ZNF385D: variants seen among roughly 807,000 people sequenced by gnomAD.
ZNF385D encodes zinc finger protein 385D.
ZNF385D carries 15 observed loss-of-function variants against 35.8 expected under a neutral mutation model. The observed-to-expected ratio is 0.42, with a 90% CI of 0.28 to 0.64. The LOEUF is 0.64. Among genes scored for constraint, ZNF385D ranks in the 30% least tolerant of loss-of-function variants. The pLI, the probability that ZNF385D is intolerant of heterozygous loss-of-function variation, is 0.23. For missense variants in ZNF385D, 474 were observed against 494.6 expected (o/e 0.96, Z 0.39); for synonymous variants, 212 against 186.8 (o/e 1.13, Z -1.10).
chr3:21,831,507 G>C (rs932480776), intron 3 of ZNF385D, among the ~76,000 whole-genome samples: 2 of 152,096 alleles, frequency 1.3e-5, no homozygotes, highest in African/African-American at 4.8e-5. Context: ...GGCGGTGCTC[G>C]AACTTAAACT....
intron 1 of ZNF385D, among the ~76,000 whole-genome samples, chr3:21,684,411 CT>C (rs144993870): frequency 4.0e-5 from 3 of 74,862 alleles, no homozygotes; most frequent in East Asian, 5.6e-4. Context: ...TCTCCTCTCT[CT>C]CTCTCTCTCT....
intron 3 of ZNF385D, among the ~76,000 whole-genome samples, chr3:21,778,265 T>C (rs2071366241): frequency 6.6e-6 from 1 of 151,898 alleles, no homozygotes; most frequent in African/African-American, 2.4e-5. Flanking sequence ...CATTTTCATT[T>C]ACTGGCTTTT....
At chr3:21,993,240 C>T (rs917132677) in intron 3 of ZNF385D, among the ~76,000 whole-genome samples, 1 of 152,116 alleles carries the variant, frequency 6.6e-6, no homozygotes, top group Non-Finnish European at 1.5e-5. Context: ...TTTTGGTTTT[C>T]CCTTAACAGA....
At chr3:21,859,852 G>A (rs182545440) in intron 3 of ZNF385D, among the ~76,000 whole-genome samples, 5 of 151,302 alleles carry the variant, frequency 3.3e-5, no homozygotes, top group African/African-American at 4.8e-5. Context: ...GTGTAATTGT[G>A]TATTCAAAGG....
chr3:22,095,023 T>G, intron 3 of ZNF385D, among the ~76,000 whole-genome samples: 1 of 151,730 alleles, frequency 6.6e-6, no homozygotes, highest in East Asian at 1.9e-4. Flanking sequence ...TCCTCCCACC[T>G]CAGACTCCCC....
intron 2 of ZNF385D, among the ~76,000 whole-genome samples, chr3:22,339,567 T>C (rs987597589): frequency 2.6e-5 from 4 of 152,234 alleles, no homozygotes; most frequent in Non-Finnish European, 5.9e-5. Context: ...TATTAACATG[T>C]CACTTTTCTA....
chr3:21,600,541 T>A (rs2064254219), intron 2 of ZNF385D, among the ~76,000 whole-genome samples: 1 of 152,202 alleles, frequency 6.6e-6, no homozygotes, highest in Non-Finnish European at 1.5e-5. Context: ...TATCACTCCA[T>A]ATTGCTGATT....
intron 1 of ZNF385D, among the ~76,000 whole-genome samples, chr3:21,669,790 G>C (rs575862305): frequency 4.6e-5 from 7 of 152,286 alleles, no homozygotes; most frequent in African/African-American, 1.7e-4. Context: ...AGTCAATCAA[G>C]ATAATTTTAA....
intron 2 of ZNF385D, among the ~76,000 whole-genome samples, chr3:22,264,115 T>C (rs1011516315): frequency 6.6e-6 from 1 of 151,936 alleles, no homozygotes; most frequent in African/African-American, 2.4e-5. Flanking sequence ...CCAAGGGGCA[T>C]AAGGCTGGAA....
At chr3:21,601,587 A>G (rs1012252080) in intron 2 of ZNF385D, among the ~76,000 whole-genome samples, 3 of 152,238 alleles carry the variant, frequency 2.0e-5, no homozygotes, top group Admixed American at 1.3e-4. Flanking sequence ...TAAGGTTGCT[A>G]GAAGTGAAAT....
chr3:21,887,630 A>T (rs1451848299), intron 3 of ZNF385D, among the ~76,000 whole-genome samples: 1 of 152,144 alleles, frequency 6.6e-6, no homozygotes, highest in Admixed American at 6.5e-5. Context: ...GATAGAACAA[A>T]AACAAAATAG....
At chr3:22,238,725 A>G (rs1050853711) in intron 2 of ZNF385D, among the ~76,000 whole-genome samples, 2 of 150,476 alleles carry the variant, frequency 1.3e-5, no homozygotes, top group Non-Finnish European at 2.9e-5. Flanking sequence ...ATGTTTCTTA[A>G]TATTTTTTAT....
At chr3:21,987,782 T>C (rs1694896026) in intron 3 of ZNF385D, among the ~76,000 whole-genome samples, 1 of 131,884 alleles carries the variant, frequency 7.6e-6, no homozygotes, top group South Asian at 2.5e-4. Flanking sequence ...TTGGTTCCAT[T>C]CTCCCCATCA....
intron 2 of ZNF385D, among the ~76,000 whole-genome samples, chr3:22,318,751 G>C: frequency 6.6e-6 from 1 of 152,016 alleles, no homozygotes; most frequent in East Asian, 1.9e-4. Context: ...AGAGTATACT[G>C]GAATGAACAA....
At chr3:21,652,578 CTCG>C (rs1425022485) in intron 2 of ZNF385D, among the ~76,000 whole-genome samples, 1 of 151,878 alleles carries the variant, frequency 6.6e-6, no homozygotes, top group African/African-American at 2.4e-5. Context: ...CACCCATCAA[CTCG>C]TCATTTAGCA....
At chr3:21,816,084 G>A (rs1326204908) in intron 3 of ZNF385D, among the ~76,000 whole-genome samples, 3 of 151,300 alleles carry the variant, frequency 2.0e-5, no homozygotes, top group Non-Finnish European at 4.4e-5. Context: ...CAAAAACCAC[G>A]ATTATCTCCA....
At chr3:22,171,264 C>A (rs1694403240) in intron 2 of ZNF385D, among the ~76,000 whole-genome samples, 1 of 152,108 alleles carries the variant, frequency 6.6e-6, no homozygotes, top group Non-Finnish European at 1.5e-5. Flanking sequence ...TAAATGTATG[C>A]ATATATTTGG....
intron 2 of ZNF385D, among the ~76,000 whole-genome samples, chr3:22,223,072 C>A (rs1051065004): frequency 6.6e-6 from 1 of 151,970 alleles, no homozygotes; most frequent in African/African-American, 2.4e-5. Flanking sequence ...TCTATACTTT[C>A]TTGGATATTA....
At chr3:21,499,474 A>G (rs1169721948) in intron 4 of ZNF385D, among the ~76,000 whole-genome samples, 1 of 152,086 alleles carries the variant, frequency 6.6e-6, no homozygotes, top group East Asian at 1.9e-4. Context: ...ACCAGGGCCT[A>G]TTTGAGATTG....
Sources: gnomAD v4.1 joint callset for allele counts (sites outside exome capture counted in the v4.1 genomes callset) on GRCh38, gnomAD v4.1.1 for gene constraint, MANE v1.5 for transcripts, NCBI Gene and HGNC (gene_info 2026-07-23, HGNC 2026-07-21) for gene names.